The following B3GAT2 variants were observed in gnomAD, a reference collection of about 807,000 sequenced individuals.
B3GAT2 encodes the protein galactosylgalactosylxylosylprotein 3-beta-glucuronosyltransferase 2.
Under a neutral mutation model 27.8 loss-of-function variants are expected in B3GAT2, and 26 were observed. The ratio of observed to expected loss-of-function variants is 0.93; its 90% confidence interval spans 0.68 to 1.30. B3GAT2 has a LOEUF of 1.30. Among genes scored for constraint, B3GAT2 ranks in the 50% most tolerant of loss-of-function variants. The pLI, the probability that B3GAT2 is intolerant of heterozygous loss-of-function variation, is 0.00. For synonymous variants in B3GAT2, 218 were observed against 195.1 expected (o/e 1.12, Z -0.98); for missense variants, 458 against 459.0 (o/e 1.00, Z 0.02).
At chr6:70,864,013 T>C (rs190247583) in intron 2 of B3GAT2, among the ~76,000 whole-genome samples, 3 of 152,122 alleles carry the variant, frequency 2.0e-5, no homozygotes, top group Admixed American at 1.3e-4. Context: ...GATTTTAGTG[T>C]TAAAAGATTT....
rs1332526075 is a variant in B3GAT2, at chr6:70,857,767, T to G, written c.*3896A>C. The G allele has an allele frequency of 1.5e-6, 1 of 661,300 alleles. No individual in the cohort carries two copies. The highest frequency in any genetic ancestry group is 2.5e-6 in the Non-Finnish European group (1 of 392,238). 41.0% of individuals were successfully genotyped at this position (661,300 alleles called of 1,614,324 possible). On this transcript the variant is annotated 3_prime_UTR_variant, in exon 4 of 4. Transcript: ENST00000230053. ...CCTAGAAACAACCAGCTCTCAGGGT[T>G]TAGGTGTGGGTTGGTCTGAGTAGTA...
intron 1 of B3GAT2, among the ~76,000 whole-genome samples, chr6:70,937,283 C>T (rs1429558975): frequency 1.3e-5 from 2 of 150,618 alleles, no homozygotes; most frequent in Non-Finnish European, 3.0e-5. Flanking sequence ...CAAAAAGAGT[C>T]CAGGACCAGA....
At chr6:70,953,706 C>T (rs1213415322) in intron 1 of B3GAT2, among the ~76,000 whole-genome samples, 1 of 152,122 alleles carries the variant, frequency 6.6e-6, no homozygotes, top group Admixed American at 6.5e-5. Context: ...GTTGCATATG[C>T]TCTTATTTTA....
intron 1 of B3GAT2, among the ~76,000 whole-genome samples, chr6:70,927,232 G>T (rs1023345613): frequency 1.3e-5 from 2 of 152,192 alleles, no homozygotes; most frequent in Admixed American, 6.6e-5. Flanking sequence ...AGGCCAAATT[G>T]TAAAGACCAT....
In B3GAT2 at chr6:70,859,127, A is replaced by G. The variant is rs1582325609; in HGVS notation, c.*2536T>C. On this transcript the variant is annotated 3_prime_UTR_variant, in exon 4 of 4. Coordinates refer to ENST00000230053, the MANE Select transcript of B3GAT2 (RefSeq NM_080742.3). ...ATAGTCTAGAGTGATTTCTAACATT[A>G]GCACAATCACTATATATCACAGTTA... 2.2e-6 allele frequency: 1 copy of G among 459,096 alleles called. No homozygotes were observed. The highest frequency in any genetic ancestry group is 3.6e-5 in the East Asian group (1 of 28,012). The allele number at this position is 459,096 out of a possible 1,614,324, so 28.4% of individuals were successfully genotyped here.
chr6:70,927,180 T>A (rs1392870150), intron 1 of B3GAT2, among the ~76,000 whole-genome samples: 4 of 152,118 alleles, frequency 2.6e-5, no homozygotes. Flanking sequence ...AAGGAAGAAC[T>A]AAACATGGAA....
At chr6:70,929,876 C>A (rs1400269347) in intron 1 of B3GAT2, among the ~76,000 whole-genome samples, 6 of 152,142 alleles carry the variant, frequency 3.9e-5, no homozygotes, top group African/African-American at 7.2e-5. Flanking sequence ...AAAGAGCCCA[C>A]ATTGCCAAGA....
chr6:70,930,919 G>T (rs1773051300), intron 1 of B3GAT2, among the ~76,000 whole-genome samples: 1 of 152,174 alleles, frequency 6.6e-6, no homozygotes, highest in South Asian at 2.1e-4. Flanking sequence ...CAATAGCAAA[G>T]ACTTGGAACC....
rs1771642866 is a variant in B3GAT2, at chr6:70,860,075, T to C, written c.*1588A>G. ...TTTAAGAAATATTTGTATGGTACTC[T>C]GTTTTTATTCCAGTGCTTGGACTAG... On this transcript the variant is annotated 3_prime_UTR_variant, in exon 4 of 4. Coordinates refer to ENST00000230053, the MANE Select transcript of B3GAT2 (RefSeq NM_080742.3). The C allele has an allele frequency of 9.3e-7, 1 of 1,074,314 alleles. No homozygotes were observed. The highest frequency in any genetic ancestry group is 1.3e-6 in the Non-Finnish European group (1 of 765,714). 66.5% of individuals were successfully genotyped at this position (1,074,314 alleles called of 1,614,324 possible).
Position 70,860,451 on chromosome 6 carries a change from T to TAA in B3GAT2, c.*1210_*1211dup. The TAA allele has an allele frequency of 1.6e-6, 2 of 1,236,170 alleles. No individual in the cohort carries two copies. Among genetic ancestry groups the TAA allele is most frequent in the Admixed American group, 5.8e-5 (2 of 34,620 alleles). The allele number at this position is 1,236,170 out of a possible 1,614,324, so 76.6% of individuals were successfully genotyped here. On this transcript the variant is annotated 3_prime_UTR_variant, in exon 4 of 4. Transcript: ENST00000230053. ...TTTCTTTTTACCCATTTGTTCATAT[T>TAA]AAGAATGATCTGATTGACCGTGTTG...
intron 1 of B3GAT2, among the ~76,000 whole-genome samples, chr6:70,942,023 A>C (rs1346050399): frequency 6.6e-6 from 1 of 152,152 alleles, no homozygotes; most frequent in Non-Finnish European, 1.5e-5. Flanking sequence ...ACAAATACTT[A>C]TCTATAGTTT....
At chr6:70,946,917 A>T (rs904530592) in intron 1 of B3GAT2, among the ~76,000 whole-genome samples, 1 of 152,196 alleles carries the variant, frequency 6.6e-6, no homozygotes, top group Non-Finnish European at 1.5e-5. Context: ...AGAACTCAGG[A>T]TTAAGAAACT....
At position 70,856,995 on chromosome 6, in the gene B3GAT2, A is replaced by G. The variant is rs1483478944; in HGVS notation, c.*4668T>C. 6.2e-7 allele frequency: 1 copy of G among 1,613,902 alleles called. No homozygotes were observed. On this transcript the variant is annotated 3_prime_UTR_variant, in exon 4 of 4. Coordinates refer to ENST00000230053, the MANE Select transcript of B3GAT2 (RefSeq NM_080742.3). ...TCCAAAGACTCCATCTTATCTCTGT[A>G]TGGCACAGGAACCATTCAACAGCAA...
intron 1 of B3GAT2, among the ~76,000 whole-genome samples, chr6:70,949,494 CCACAATGAGATACCATCTCA>C (rs1765544809): frequency 6.7e-6 from 1 of 149,380 alleles, no homozygotes; most frequent in Non-Finnish European, 1.5e-5. Flanking sequence ...CAAATCAAAA[CCACAATGAGATACCATCTCA>C]CACCAGTTAG....
At position 70,902,981 on chromosome 6, in the gene B3GAT2, T is replaced by C. The variant is rs557584981; in HGVS notation, c.592-8709A>G. Among the ~76,000 whole-genome samples the C allele has an allele frequency of 3.9e-5, 6 of 152,178 alleles. No individual in the cohort carries two copies. In the South Asian group the frequency reaches 8.3e-4, roughly 21 times the overall value. ...GAGATCTATTGTATATCATGGTGAC[T>C]ATAGTTAATATATTATATAGTTAAA... On this transcript the variant is annotated intron_variant, in intron 1 of 3. Coordinates refer to ENST00000230053, the MANE Select transcript of B3GAT2 (RefSeq NM_080742.3).
intron 2 of B3GAT2, among the ~76,000 whole-genome samples, chr6:70,887,535 G>T (rs906058087): frequency 1.3e-5 from 2 of 152,100 alleles, no homozygotes; most frequent in Admixed American, 1.3e-4. Context: ...CTGGGGCTAG[G>T]GGAAACCTGG....
chr6:70,907,569 T>C (rs570618550), intron 1 of B3GAT2, among the ~76,000 whole-genome samples: 1 of 152,334 alleles, frequency 6.6e-6, no homozygotes, highest in South Asian at 2.1e-4. Context: ...GAAGACTCCA[T>C]GTTTCTGCAT....
intron 1 of B3GAT2, among the ~76,000 whole-genome samples, chr6:70,901,514 T>G (rs1409995718): frequency 6.6e-6 from 1 of 152,256 alleles, no homozygotes; most frequent in African/African-American, 2.4e-5. Flanking sequence ...CATAGCCAAT[T>G]GAAACAGCTC....
chr6:70,915,090 T>C (rs2150039972), intron 1 of B3GAT2, among the ~76,000 whole-genome samples: 1 of 152,336 alleles, frequency 6.6e-6, no homozygotes, highest in East Asian at 1.9e-4. Context: ...TTTTTAATGA[T>C]CGCCATTCTA....
Sources: gnomAD v4.1 joint callset for allele counts (sites outside exome capture counted in the v4.1 genomes callset) on GRCh38, gnomAD v4.1.1 for gene constraint, MANE v1.5 for transcripts, NCBI Gene and HGNC (gene_info 2026-07-23, HGNC 2026-07-21) for gene names.